The following COP1 variants were observed in gnomAD, a reference collection of about 807,000 sequenced individuals.
COP1 encodes the protein COP1 E3 ubiquitin ligase, also known as E3 ubiquitin-protein ligase COP1.
In COP1, 24 loss-of-function variants were observed where a neutral mutation model predicts 101.3. The observed-to-expected ratio is 0.24, with a 90% CI of 0.17 to 0.33. The LOEUF is 0.33. COP1 is among the 10% of genes least tolerant of loss of function. COP1 has a pLI of 1.00. For missense variants in COP1, 663 were observed against 906.2 expected (o/e 0.73, Z 3.45); for synonymous variants, 347 against 341.9 (o/e 1.01, Z -0.17).
chr1:176,192,918 C>T (rs77423753), intron 1 of COP1, among the ~76,000 whole-genome samples: 3 of 152,114 alleles, frequency 2.0e-5, no homozygotes, highest in Non-Finnish European at 2.9e-5. Context: ...TTTTATTTCA[C>T]AACTACAGTG....
intron 18 of COP1, chr1:175,968,572 G>T (rs1372058390): frequency 2.0e-6 from 1 of 498,350 alleles, no homozygotes; most frequent in Non-Finnish European, 4.0e-6. Flanking sequence ...GAAGACTTTT[G>T]TTAACCAGTC....
At chr1:176,178,129 C>T (rs374670176) in intron 2 of COP1, among the ~76,000 whole-genome samples, 2 of 152,036 alleles carry the variant, frequency 1.3e-5, no homozygotes, top group East Asian at 3.8e-4. Flanking sequence ...AAGGAAATAA[C>T]ATACTAAATC....
At chr1:176,186,916 GA>G (rs1472854754) in intron 1 of COP1, among the ~76,000 whole-genome samples, 11 of 152,072 alleles carry the variant, frequency 7.2e-5, no homozygotes, top group Non-Finnish European at 1.5e-5. Context: ...AAAACTGGAA[GA>G]AATGACTACA....
At chr1:176,027,298 G>C (rs1667839719) in intron 15 of COP1, among the ~76,000 whole-genome samples, 2 of 152,016 alleles carry the variant, frequency 1.3e-5, no homozygotes, top group African/African-American at 2.4e-5. Context: ...TTGTGAATAA[G>C]TAATAAGCAT....
intron 18 of COP1, among the ~76,000 whole-genome samples, chr1:175,979,830 A>C (rs1655382141): frequency 6.6e-6 from 1 of 152,182 alleles, no homozygotes; most frequent in Non-Finnish European, 1.5e-5. Flanking sequence ...ACTCCACTTC[A>C]GCATTTCTTT....
rs1050798463 is a variant in COP1, at chr1:176,168,736, C to G, written c.566-4845G>C. 2.9e-5 allele frequency: 10 copies of G among 346,404 alleles called. No individual in the cohort carries two copies. The East Asian group carries it at 4.6e-4, about 16-fold the overall frequency. The allele number at this position is 346,404 out of a possible 1,614,324, so 21.5% of individuals were successfully genotyped here. On this transcript the variant is annotated intron_variant, in intron 3 of 19. Coordinates refer to ENST00000367669, the MANE Select transcript of COP1 (RefSeq NM_022457.7). ...ACCAAGGGAGGCAGAGAGGAGCAGACAGAGTATGCACACTGGAGGGAAGTA... is the reference window on the plus strand; with the variant it reads ...ACCAAGGGAGGCAGAGAGGAGCAGAGAGAGTATGCACACTGGAGGGAAGTA...
At chr1:176,095,728 T>C (rs1682228969) in intron 9 of COP1, among the ~76,000 whole-genome samples, 1 of 151,902 alleles carries the variant, frequency 6.6e-6, no homozygotes, top group Admixed American at 6.6e-5. Context: ...CTTGTGCTTA[T>C]GTTTGTACTT....
chr1:175,966,855 T>G (rs1317725640), intron 18 of COP1, among the ~76,000 whole-genome samples: 6 of 152,122 alleles, frequency 3.9e-5, no homozygotes, highest in Non-Finnish European at 8.8e-5. Flanking sequence ...ACCAAAGTGG[T>G]AAAGAGTGTT....
chr1:176,055,750 T>G (rs903123899), intron 11 of COP1, among the ~76,000 whole-genome samples: 6 of 150,684 alleles, frequency 4.0e-5, no homozygotes, highest in African/African-American at 7.2e-5. Context: ...TGACTAACAA[T>G]TTTCATCTTT....
chr1:176,085,321 A>G (rs1679941979), intron 10 of COP1, among the ~76,000 whole-genome samples: 1 of 152,166 alleles, frequency 6.6e-6, no homozygotes, highest in Middle Eastern at 3.4e-3. Flanking sequence ...ATACTCCTGT[A>G]AACTTATTTA....
intron 9 of COP1, among the ~76,000 whole-genome samples, chr1:176,103,423 T>C (rs894614961): frequency 1.3e-5 from 2 of 152,184 alleles, no homozygotes; most frequent in Non-Finnish European, 2.9e-5. Context: ...AGTTTCCAGG[T>C]TGGTGAACAC....
chr1:176,081,500 T>A (rs975631182), intron 10 of COP1, among the ~76,000 whole-genome samples: 3 of 152,010 alleles, frequency 2.0e-5, no homozygotes, highest in Non-Finnish European at 4.4e-5. Context: ...CTCTTTCCAC[T>A]GTGAATTCTC....
intron 1 of COP1, among the ~76,000 whole-genome samples, chr1:176,188,436 C>T (rs949419751): frequency 5.9e-5 from 9 of 152,072 alleles, no homozygotes; most frequent in Non-Finnish European, 7.4e-5. Context: ...AAGGGAAAAA[C>T]GTATCCATTT....
At chr1:175,975,227 A>T (rs1654235145) in intron 18 of COP1, among the ~76,000 whole-genome samples, 1 of 152,112 alleles carries the variant, frequency 6.6e-6, no homozygotes, top group African/African-American at 2.4e-5. Context: ...TTGATAGGAT[A>T]AATATACCTT....
Position 176,184,626 on chromosome 1 carries a change from G to A in COP1, c.467+7C>T, listed in dbSNP as rs774281313. 13 of 1,591,842 alleles carry A rather than the reference G, an allele frequency of 8.2e-6. No individual in the cohort carries two copies. The highest frequency in any genetic ancestry group is 3.4e-5 in the Admixed American group (2 of 59,108). On this transcript the variant is annotated splice_region_variant and intron_variant, in intron 2 of 19. Coordinates refer to ENST00000367669, the MANE Select transcript of COP1 (RefSeq NM_022457.7). ...AAAGATTATTTTACTCAATAGAATTGTCTTACCAAAAGCTGTGGCCACATT... is the reference window on the plus strand; with the variant it reads ...AAAGATTATTTTACTCAATAGAATTATCTTACCAAAAGCTGTGGCCACATT...
At chr1:176,038,298 A>G (rs1033905166) in intron 14 of COP1, among the ~76,000 whole-genome samples, 6 of 152,234 alleles carry the variant, frequency 3.9e-5, no homozygotes, top group African/African-American at 1.4e-4. Context: ...AAGACTCAGT[A>G]TATTAAGATT....
intron 9 of COP1, among the ~76,000 whole-genome samples, chr1:176,104,673 C>T (rs564106250): frequency 3.3e-5 from 5 of 152,214 alleles, no homozygotes; most frequent in African/African-American, 1.2e-4. Flanking sequence ...GTTAGAGGTG[C>T]TGTGGGGAAA....
At chr1:176,123,784 A>C (rs1687540686) in intron 8 of COP1, among the ~76,000 whole-genome samples, 1 of 152,198 alleles carries the variant, frequency 6.6e-6, no homozygotes, top group African/African-American at 2.4e-5. Flanking sequence ...TGAATATTTG[A>C]ACTTTCTCTT....
chr1:176,086,793 A>G (rs1210676818), intron 9 of COP1, among the ~76,000 whole-genome samples: 2 of 152,218 alleles, frequency 1.3e-5, no homozygotes, highest in African/African-American at 4.8e-5. Context: ...AAGAGCCCAC[A>G]TTGCCAAGAC....
Sources: gnomAD v4.1 joint callset for allele counts (sites outside exome capture counted in the v4.1 genomes callset) on GRCh38, gnomAD v4.1.1 for gene constraint, MANE v1.5 for transcripts, NCBI Gene and HGNC (gene_info 2026-07-23, HGNC 2026-07-21) for gene names.